The following DHRS7C variants were observed in gnomAD, a reference collection of about 807,000 sequenced individuals.
The protein encoded by DHRS7C is dehydrogenase/reductase 7C, also known as dehydrogenase/reductase SDR family member 7C.
A neutral mutation model predicts 29.6 loss-of-function variants in DHRS7C; 28 were observed. The ratio of observed to expected loss-of-function variants is 0.95; its 90% confidence interval spans 0.70 to 1.30. DHRS7C has a LOEUF of 1.30. Among genes scored for constraint, DHRS7C ranks in the 50% most tolerant of loss-of-function variants. The probability of loss-of-function intolerance (pLI) is 0.00; values close to 1 mark genes in which losing one functional copy is unlikely to be tolerated. For synonymous variants in DHRS7C, 158 were observed against 160.2 expected (o/e 0.99, Z 0.10); for missense variants, 403 against 393.3 (o/e 1.02, Z -0.21).
At position 9,771,466 on chromosome 17, in the gene DHRS7C, T is replaced by C. The variant is rs2066326606; in HGVS notation, c.*22A>G. 3 of 1,466,956 alleles carry C rather than the reference T, an allele frequency of 2.0e-6. No homozygotes were observed. Among genetic ancestry groups the C allele is most frequent in the Non-Finnish European group, 2.7e-6 (3 of 1,102,008 alleles). The allele number at this position is 1,466,956 out of a possible 1,614,324, so 90.9% of individuals were successfully genotyped here. A position where few individuals can be genotyped will look rare whatever the true frequency, so the allele number is the denominator to read the frequency against. On this transcript the variant is annotated 3_prime_UTR_variant, in exon 6 of 6. Coordinates refer to ENST00000571134, the MANE Select transcript of DHRS7C (RefSeq NM_001105571.3). ...CAGAAAAACCTTTATTTCCAAGGGGTGGCCCATTTGGCCTCCTGCAGTTAC... is the reference window on the plus strand; with the variant it reads ...CAGAAAAACCTTTATTTCCAAGGGGCGGCCCATTTGGCCTCCTGCAGTTAC...
rs774648500 is a variant in DHRS7C, at chr17:9,771,492, C to G, written c.932G>C (p.Gly311Ala). The G allele has an allele frequency of 8.5e-6, 13 of 1,520,830 alleles. No individual in the cohort carries two copies. The highest frequency in any genetic ancestry group is 1.1e-5 in the Non-Finnish European group (12 of 1,131,022). The allele number at this position is 1,520,830 out of a possible 1,614,324, so 94.2% of individuals were successfully genotyped here. A position where few individuals can be genotyped will look rare whatever the true frequency, so the allele number is the denominator to read the frequency against. The change falls in exon 6 of 6, where the codon GGG becomes GCG. Residue 311 changes from glycine to alanine, a missense_variant. Coordinates refer to ENST00000571134, the MANE Select transcript of DHRS7C (RefSeq NM_001105571.3). Reference protein sequence around the residue: ...VKEKLNVPEEG With the variant: ...VKEKLNVPEEA ...GGCCCATTTGGCCTCCTGCAGTTAC[C>G]CCTCCTCCGGGACATTGAGCTTCTC...
intron 1 of DHRS7C, among the ~76,000 whole-genome samples, chr17:9,784,132 GA>G (rs1015112074): frequency 3.3e-5 from 5 of 151,236 alleles, no homozygotes; most frequent in East Asian, 1.9e-4. Flanking sequence ...TCCATTGAAA[GA>G]AAAAAAATCC....
At chr17:9,780,121 A>G (rs1165098029) in intron 2 of DHRS7C, 86 bp from the exon 3 acceptor site, 2 of 1,135,690 alleles carry the variant, frequency 1.8e-6, no homozygotes, top group African/African-American at 3.2e-5. Context: ...AAAGCCACCC[A>G]TTTTGAAATT....
At chr17:9,780,148 A>C in intron 2 of DHRS7C, 113 bp from the exon 3 acceptor site, 1 of 859,708 alleles carries the variant, frequency 1.2e-6, no homozygotes, top group Non-Finnish European at 1.7e-6. Flanking sequence ...TAATGAAATG[A>C]CTGAAAAAAA....
chr17:9,777,074 G>T, intron 4 of DHRS7C, 119 bp downstream of exon 4: 1 of 774,616 alleles, frequency 1.3e-6, no homozygotes, highest in South Asian at 2.4e-5. Flanking sequence ...TCCAGCAGAT[G>T]GTGTCATCCT....
At chr17:9,772,160 G>A (rs558514560) in intron 5 of DHRS7C, among the ~76,000 whole-genome samples, 31 of 152,312 alleles carry the variant, frequency 2.0e-4, no homozygotes, top group Admixed American at 1.6e-3. Context: ...TCCTAGAGCA[G>A]TGGCCATAAT....
At position 9,791,312 on chromosome 17, in the gene DHRS7C, G is replaced by C. The variant is rs748926190; in HGVS notation, c.-28C>G. The stretch of plus-strand genomic sequence containing the variant: ...TGTTCTGGGGGACAACGGAGTAAAA[G>C]GGGATTGGCTTTGCAAAGAGACGCT... On this transcript the variant is annotated 5_prime_UTR_variant, in exon 1 of 6. Transcript: ENST00000571134. 1 of 1,610,888 alleles carries C rather than the reference G, an allele frequency of 6.2e-7. No homozygotes were observed. The highest frequency in any genetic ancestry group is 1.1e-5 in the South Asian group (1 of 90,142).
chr17:9,777,444 T>A, intron 3 of DHRS7C, among the ~76,000 whole-genome samples, 159 bp from the exon 4 acceptor site: 1 of 152,084 alleles, frequency 6.6e-6, no homozygotes, highest in East Asian at 1.9e-4. Flanking sequence ...CTGCAATCAT[T>A]TATCCAGTGT....
chr17:9,788,229 T>C (rs551545521), intron 1 of DHRS7C, among the ~76,000 whole-genome samples: 1 of 152,086 alleles, frequency 6.6e-6, no homozygotes, highest in East Asian at 1.9e-4. Flanking sequence ...TTTTTTGAGA[T>C]GGATTCTCAC....
At chr17:9,779,424 C>G (rs557868025) in intron 3 of DHRS7C, among the ~76,000 whole-genome samples, 1 of 152,162 alleles carries the variant, frequency 6.6e-6, no homozygotes, top group Non-Finnish European at 1.5e-5. Flanking sequence ...TTACCTTTGA[C>G]CAACTGTAAT....
In DHRS7C at chr17:9,791,069, C is replaced by A. The variant is rs1567705342; in HGVS notation, c.154+62G>T. Reference sequence around the variant, plus strand: ...ACACAGCGCCCTGCCGCCCTGCCACCCTGCCATCCTGCCAGTCCCTGGGGG... The same window carrying A: ...ACACAGCGCCCTGCCGCCCTGCCACACTGCCATCCTGCCAGTCCCTGGGGG... On this transcript the variant is annotated intron_variant, in intron 1 of 5. Transcript: ENST00000571134. 5 of 1,542,904 alleles carry A rather than the reference C, an allele frequency of 3.2e-6. 1 individual carries two copies. The South Asian group carries it at 4.9e-5, about 15-fold the overall frequency.
In DHRS7C at chr17:9,780,024, TG is replaced by T; in HGVS notation, c.278del (p.Pro93GlnfsTer37). 1.2e-6 allele frequency: 2 copies of T among 1,613,632 alleles called. No homozygotes were observed. The highest frequency in any genetic ancestry group is 1.7e-6 in the Non-Finnish European group (2 of 1,179,812). On this transcript the variant is annotated frameshift_variant, in exon 3 of 6. Transcript: ENST00000571134. LOFTEE classifies it high-confidence loss of function. ...CTGAGAGGTCCAACAGGACCAGCTT[TG>T]GGGTGAATGTCTGCTGAACCAATGA... Reference protein sequence around the residue: ...SVADPSKTFTPKLVLLDLSDI... With the variant: ...SVADPSKTFTXKLVLLDLSDI...
At chr17:9,776,074 G>A (rs1159254729) in intron 4 of DHRS7C, among the ~76,000 whole-genome samples, 1 of 152,158 alleles carries the variant, frequency 6.6e-6, no homozygotes, top group African/African-American at 2.4e-5. Context: ...GTGGTGGCGT[G>A]TGCCTGTAGT....
chr17:9,783,681 G>T (rs1287904187), intron 1 of DHRS7C, among the ~76,000 whole-genome samples: 4 of 152,196 alleles, frequency 2.6e-5, no homozygotes, highest in African/African-American at 9.7e-5. Flanking sequence ...CGTAAAAAGT[G>T]GGAGCTGGGC....
At chr17:9,781,294 G>T (rs1161255380) in intron 2 of DHRS7C, among the ~76,000 whole-genome samples, 188 bp downstream of exon 2, 1 of 152,202 alleles carries the variant, frequency 6.6e-6, no homozygotes, top group Non-Finnish European at 1.5e-5. Flanking sequence ...GTCATGGTGG[G>T]TGGTCAAAAC....
At position 9,771,716 on chromosome 17, in the gene DHRS7C, G is replaced by T. The variant is rs1231779798; in HGVS notation, c.728-20C>A. ...AAAAGACTGAAAGGCCCCAGTTGGG[G>T]GCGGGGGTTATGACCTCCGTGGGGA... is the stretch of plus-strand genomic sequence containing the variant. On this transcript the variant is annotated intron_variant, in intron 5 of 5. Coordinates refer to ENST00000571134, the MANE Select transcript of DHRS7C (RefSeq NM_001105571.3). 6 of 1,432,346 alleles carry T rather than the reference G, an allele frequency of 4.2e-6. No homozygotes were observed. In the African/African-American group the frequency reaches 7.2e-5, roughly 17 times the overall value. 88.7% of individuals were successfully genotyped at this position (1,432,346 alleles called of 1,614,324 possible).
At chr17:9,785,452 C>T (rs2066418023) in intron 1 of DHRS7C, among the ~76,000 whole-genome samples, 1 of 152,170 alleles carries the variant, frequency 6.6e-6, no homozygotes, top group Admixed American at 6.5e-5. Context: ...TTGGGGGTGG[C>T]CTGCAGAGCC....
At position 9,775,949 on chromosome 17, in the gene DHRS7C, C is replaced by T. The variant is rs1383861406; in HGVS notation, c.571+1244G>A. On this transcript the variant is annotated intron_variant, in intron 4 of 5. Transcript: ENST00000571134. The surrounding 1 kb of genome is among the most constrained non-coding windows in gnomAD (Gnocchi z 4.2). The stretch of plus-strand genomic sequence containing the variant: ...GGGCATGGTGGCTCACGCCTGTAAT[C>T]CCAGCACTTTGGGAGGTCAAGGCGG... 6.6e-6 allele frequency among the ~76,000 whole-genome samples: 1 copy of T among 152,206 alleles called. No individual in the cohort carries two copies. The highest frequency in any genetic ancestry group is 1.5e-5 in the Non-Finnish European group (1 of 68,030).
chr17:9,788,064 C>T (rs1441203072), intron 1 of DHRS7C, among the ~76,000 whole-genome samples: 1 of 152,100 alleles, frequency 6.6e-6, no homozygotes, highest in Non-Finnish European at 1.5e-5. Context: ...GACAATCAGT[C>T]TGATTTCAGA....
Sources: allele counts gnomAD v4.1 joint callset (sites outside exome capture counted in the v4.1 genomes callset), GRCh38; gene constraint gnomAD v4.1.1; non-coding constraint Gnocchi (gnomAD v3.1); transcripts MANE v1.5; gene names NCBI Gene and HGNC (gene_info 2026-07-23, HGNC 2026-07-21).